Variants in NUP188 observed in about 807,000 individuals in gnomAD.
NUP188 encodes the protein nucleoporin NUP188.
In NUP188, 97 loss-of-function variants were observed where a neutral mutation model predicts 223.0. The observed-to-expected ratio is 0.43, with a 90% confidence interval of 0.37 to 0.51. The LOEUF (loss-of-function observed/expected upper bound fraction) is 0.51, where lower values mean the gene tolerates loss of function less well. Ranked by LOEUF, NUP188 falls within the 20% of genes least tolerant of loss-of-function variation. The probability of loss-of-function intolerance (pLI) is 0.00; values close to 1 mark genes in which losing one functional copy is unlikely to be tolerated. For missense variants in NUP188, 1,947 were observed against 2,175.6 expected (o/e 0.89, Z 2.09); for synonymous variants, 869 against 828.0 (o/e 1.05, Z -0.85).
chr9:128,966,128 CGTGTGTGTGTGTGTGTGTGTGTGTGTGT>C (rs34851120), intron 8 of NUP188, among the ~76,000 whole-genome samples: 6 of 136,864 alleles, frequency 4.4e-5, no homozygotes, highest in African/African-American at 1.4e-4. Flanking sequence ...TTTCTGCCTC[CGTGTGTGTGTGTGTGTGTGTGTGTGTGT>C]GTGTGTGTGT....
chr9:129,005,935 G>A, intron 41 of NUP188, 115 bp from the exon 42 acceptor site: 1 of 1,420,224 alleles, frequency 7.0e-7, no homozygotes, highest in Non-Finnish European at 9.8e-7. Context: ...ATTACTGTGA[G>A]GATTAAATGA....
intron 8 of NUP188, among the ~76,000 whole-genome samples, chr9:128,968,205 G>A (rs1340137098): frequency 6.6e-6 from 1 of 151,526 alleles, no homozygotes; most frequent in African/African-American, 2.4e-5. Context: ...TAATTGTACT[G>A]CTGCACTCCA....
At chr9:128,967,946 G>A (rs1007122467) in intron 8 of NUP188, among the ~76,000 whole-genome samples, 1 of 152,028 alleles carries the variant, frequency 6.6e-6, no homozygotes, top group Non-Finnish European at 1.5e-5. Flanking sequence ...GTGACAGAGC[G>A]AGACCCTCTC....
At chr9:128,954,176 T>C (rs545176253) in intron 3 of NUP188, among the ~76,000 whole-genome samples, 3 of 152,128 alleles carry the variant, frequency 2.0e-5, no homozygotes, top group African/African-American at 7.2e-5. Flanking sequence ...TCCAACCTAG[T>C]TGTCAAGTGC....
chr9:128,980,526 C>T, intron 13 of NUP188, 80 bp from the exon 14 acceptor site: 1 of 1,461,536 alleles, frequency 6.8e-7, no homozygotes, highest in Non-Finnish European at 9.3e-7. Context: ...TCTAAATTTT[C>T]TCATGATTGC....
intron 3 of NUP188, among the ~76,000 whole-genome samples, chr9:128,954,769 C>T (rs1212975484): frequency 1.3e-5 from 2 of 151,914 alleles, no homozygotes; most frequent in Admixed American, 6.6e-5. Context: ...GTAGTATGCC[C>T]CCAATTTGGG....
chr9:128,965,941 G>A (rs1842020906), intron 8 of NUP188, among the ~76,000 whole-genome samples: 2 of 151,400 alleles, frequency 1.3e-5, no homozygotes, highest in Non-Finnish European at 1.5e-5. Context: ...GGGATTACAG[G>A]CGCCCACCAC....
intron 8 of NUP188, among the ~76,000 whole-genome samples, chr9:128,962,693 G>A (rs1256443324): frequency 6.6e-6 from 1 of 151,902 alleles, no homozygotes; most frequent in Non-Finnish European, 1.5e-5. Flanking sequence ...AGAATAGCCG[G>A]CTGGGCTCAA....
In NUP188 at chr9:128,999,256, G is replaced by GA; in HGVS notation, c.3602dup (p.Thr1202AspfsTer22). 6.2e-7 allele frequency: 1 copy of GA among 1,614,194 alleles called. No individual in the cohort carries two copies. The highest frequency in any genetic ancestry group is 8.5e-7 in the Non-Finnish European group (1 of 1,180,028). ...TGCAGGCCGACCAGCAACTCATGGA[G>GA]AAGACCAAGGCCAAGGTGTTCTCAG... is the stretch of plus-strand genomic sequence containing the variant. On this transcript the variant is annotated frameshift_variant, in exon 33 of 44. Coordinates refer to ENST00000372577, the MANE Select transcript of NUP188 (RefSeq NM_015354.3). LOFTEE classifies it high-confidence loss of function.
chr9:128,961,598 A>G (rs536747533), intron 8 of NUP188, among the ~76,000 whole-genome samples: 1 of 145,354 alleles, frequency 6.9e-6, no homozygotes, highest in Non-Finnish European at 1.5e-5. Flanking sequence ...ATCTAGATAG[A>G]TAGATAGATA....
At chr9:128,968,781 T>C in intron 9 of NUP188, 64 bp downstream of exon 9, 1 of 1,262,614 alleles carries the variant, frequency 7.9e-7, no homozygotes, top group South Asian at 1.2e-5. Flanking sequence ...TATAGTGGTA[T>C]GTAAGCAGGT....
At chr9:128,951,087 G>A (rs1470274533) in intron 2 of NUP188, among the ~76,000 whole-genome samples, 1 of 151,918 alleles carries the variant, frequency 6.6e-6, no homozygotes, top group Non-Finnish European at 1.5e-5. Context: ...CGAGGCGGGC[G>A]GATCACCTGA....
At chr9:128,974,335 T>A (rs1426370233) in intron 12 of NUP188, among the ~76,000 whole-genome samples, 1 of 151,782 alleles carries the variant, frequency 6.6e-6, no homozygotes, top group Non-Finnish European at 1.5e-5. Context: ...TACTCTGTAG[T>A]ACATCTGTCC....
Position 128,987,666 on chromosome 9 carries a change from T to C in NUP188, c.2342T>C (p.Met781Thr). 2 of 1,614,146 alleles carry C rather than the reference T, an allele frequency of 1.2e-6. No homozygotes were observed. Among genetic ancestry groups the C allele is most frequent in the African/African-American group, 1.3e-5 (1 of 75,050 alleles). ...TEAGQTVINI[M>T]GIGVDTIDMV... is the part of the protein sequence containing the mutation. ...GCAGGACAGACAGTTATCAATATCA[T>C]GGGCATTGGCGTGGACACCATTGAC... Residue 781 changes from methionine to threonine, a missense_variant, in exon 23 of 44, where the codon ATG becomes ACG. Transcript: ENST00000372577.
chr9:128,967,915 T>A (rs567231554), intron 8 of NUP188, among the ~76,000 whole-genome samples: 20 of 151,916 alleles, frequency 1.3e-4, no homozygotes, highest in Admixed American at 4.6e-4. Context: ...GAGCTGTGGG[T>A]GTACTCTGGG....
intron 22 of NUP188, among the ~76,000 whole-genome samples, chr9:128,987,088 A>AGAGT (rs1450678206): frequency 0.017 from 1,890 of 113,272 alleles, 37 homozygotes; most frequent in African/African-American, 0.049. Flanking sequence ...AGAGAGAGAG[A>AGAGT]GTGTGTGTGT....
chr9:129,001,419 G>A, intron 34 of NUP188, 110 bp from the exon 35 acceptor site: 1 of 878,960 alleles, frequency 1.1e-6, no homozygotes, highest in Non-Finnish European at 1.9e-6. Flanking sequence ...AGCTCACTTA[G>A]CAATGTGTGT....
At chr9:129,003,539 G>A in intron 38 of NUP188, 85 bp downstream of exon 38, 1 of 1,468,756 alleles carries the variant, frequency 6.8e-7, no homozygotes, top group Non-Finnish European at 9.4e-7. Context: ...CACTCCTAGT[G>A]AATTGCAGGA....
chr9:128,986,864 C>G lies in NUP188; in HGVS notation c.2253C>G (p.Asp751Glu). Residue 751 changes from aspartate (D) to glutamate (E), a missense_variant, in exon 22 of 44, where the codon GAC (aspartate) becomes GAG (glutamate). Around this residue, in one of 3 missense-constraint regions of NUP188, gnomAD observed 225 missense variants for 319.1 expected, o/e 0.71. Transcript: ENST00000372577. ...HAILNLCHET[D>E]LHSSHTPSLQ... ...TACTGAACCTGTGCCACGAGACAGA[C>G]CTGCACAGCAGGTAATGAAGGGTTG... is the stretch of plus-strand genomic sequence containing the variant. 1.2e-6 allele frequency: 2 copies of G among 1,614,024 alleles called. No individual in the cohort carries two copies. Among genetic ancestry groups the G allele is most frequent in the Non-Finnish European group, 1.7e-6 (2 of 1,179,958 alleles).
Sources: gnomAD v4.1 joint callset for allele counts (sites outside exome capture counted in the v4.1 genomes callset) on GRCh38, gnomAD v4.1.1 for gene constraint, gnomAD v4.1.1 regional missense constraint, MANE v1.5 for transcripts, NCBI Gene and HGNC (gene_info 2026-07-23, HGNC 2026-07-21) for gene names.